The following POLG variants were observed in gnomAD, a reference collection of about 807,000 sequenced individuals.
POLG encodes the protein DNA polymerase gamma, catalytic subunit.
POLG carries 110 observed loss-of-function variants against 155.4 expected under a neutral mutation model. The observed-to-expected ratio is 0.71, with a 90% CI of 0.61 to 0.83. The LOEUF (loss-of-function observed/expected upper bound fraction) is 0.83, where lower values mean the gene tolerates loss of function less well. POLG is among the 40% of genes least tolerant of loss of function. POLG has a pLI of 0.00. For missense variants in POLG, 1,685 were observed against 1,627.5 expected, an observed-to-expected ratio of 1.04 and a Z score of -0.61; for synonymous variants, 701 against 631.5, an observed-to-expected ratio of 1.11 and a Z score of -1.65.
At chr15:89,321,408 G>T (rs1047745646) in intron 16 of POLG, 148 bp from the exon 17 acceptor site, 2 of 939,014 alleles carry the variant, frequency 2.1e-6, no homozygotes, top group East Asian at 5.2e-5. Flanking sequence ...TTCCAGAGAT[G>T]GCCACCTATC....
intron 2 of POLG, among the ~76,000 whole-genome samples, chr15:89,331,230 T>C (rs572960067): frequency 6.6e-6 from 1 of 152,262 alleles, no homozygotes; most frequent in South Asian, 2.1e-4. Flanking sequence ...GTTCCTAGTT[T>C]TAAACCTGAC....
chr15:89,317,797 T>A, intron 21 of POLG: 3 of 507,898 alleles, frequency 5.9e-6, no homozygotes, highest in Admixed American at 3.3e-5. Context: ...CTTTATTAAT[T>A]AATATACGAA....
intron 21 of POLG, 80 bp from the exon 22 acceptor site, chr15:89,317,616 C>A: frequency 7.2e-7 from 1 of 1,385,722 alleles, no homozygotes; most frequent in Non-Finnish European, 1.0e-6. Flanking sequence ...TGACCCCACA[C>A]CCCTTAGAGC....
rs1567189471 is a variant in POLG at position 89,325,131 on chromosome 15, AGAGTGAGTGAGAGAGTGAGT to A, written c.1949+299_1949+318del. On this transcript the variant is annotated intron_variant, in intron 10 of 22. Coordinates refer to ENST00000268124, the MANE Select transcript of POLG (RefSeq NM_002693.3). ...GAGAGAGAGTGAGTGAGTGAGTGAG[AGAGTGAGTGAGAGAGTGAGT>A]GAGTGAGTGAGTGAGTGAGAGAGTG... 3.5e-3 allele frequency among the ~76,000 whole-genome samples: 157 copies of A among 44,664 alleles called. 32 individuals carry two copies. The highest frequency in any genetic ancestry group is 0.026 in the African/African-American group (148 of 5,592). The allele number at this position is 44,664 out of a possible 152,430, so 29.3% of individuals were successfully genotyped here. A position where few individuals can be genotyped will look rare whatever the true frequency, so the allele number is the denominator to read the frequency against.
rs3176159 is a variant in POLG, at chr15:89,334,071, C to T, written c.-159-158G>A. 5.0e-3 allele frequency: 2,179 copies of T among 435,644 alleles called. 30 individuals are homozygous for T. Among genetic ancestry groups the T allele is most frequent in the African/African-American group, 0.041 (1,953 of 48,092 alleles). The allele number at this position is 435,644 out of a possible 1,614,324, so 27.0% of individuals were successfully genotyped here. A position where few individuals can be genotyped will look rare whatever the true frequency, so the allele number is the denominator to read the frequency against. On this transcript the variant is annotated intron_variant, in intron 1 of 22. Transcript: ENST00000268124. ...CTCAAAACTTGGGAAACGTCAATAC[C>T]CCTCCTGGGGGAACCGGGGTCCACG... is the stretch of plus-strand genomic sequence containing the variant.
chr15:89,325,872 G>T (rs374505530), intron 9 of POLG, among the ~76,000 whole-genome samples, 186 bp from the exon 10 acceptor site: 5 of 152,182 alleles, frequency 3.3e-5, no homozygotes, highest in Non-Finnish European at 2.9e-5. Context: ...TCCTCTAGAA[G>T]AATATTTCAA....
At position 89,321,868 on chromosome 15, in the gene POLG, G is replaced by C; in HGVS notation, c.2481-15C>G. On this transcript the variant is annotated splice_polypyrimidine_tract_variant and intron_variant, in intron 15 of 22. Coordinates refer to ENST00000268124, the MANE Select transcript of POLG (RefSeq NM_002693.3). ...AGTCGGGGTGCCTGGTGGGGTGCAG[G>C]GGAAGGAAATGGGTCTTAGCAGGGT... 1 of 1,611,142 alleles carries C rather than the reference G, an allele frequency of 6.2e-7. No individual in the cohort carries two copies.
chr15:89,334,108 G>C (rs952842698), intron 1 of POLG, 195 bp from the exon 2 acceptor site: 3 of 373,004 alleles, frequency 8.0e-6, no homozygotes, highest in African/African-American at 6.5e-5. Flanking sequence ...AACTTCGTCA[G>C]TGAACCCACG....
chr15:89,321,672 A>G lies in POLG; in HGVS notation c.2598+64T>C. 2.5e-6 allele frequency: 3 copies of G among 1,209,364 alleles called. No homozygotes were observed. In the South Asian group the frequency reaches 3.6e-5, roughly 15 times the overall value. The allele number at this position is 1,209,364 out of a possible 1,614,324, so 74.9% of individuals were successfully genotyped here. A position where few individuals can be genotyped will look rare whatever the true frequency, so the allele number is the denominator to read the frequency against. On this transcript the variant is annotated intron_variant, in intron 16 of 22. Transcript: ENST00000268124. Reference sequence around the variant, plus strand: ...CCTCACTAAATACCTAAAGGCCCTCAGAGCCCAGTTTCTACAGACCTGGGA... The same window carrying G: ...CCTCACTAAATACCTAAAGGCCCTCGGAGCCCAGTTTCTACAGACCTGGGA...
rs372383277 is a variant in POLG at position 89,333,578 on chromosome 15, C to A, written c.177G>T (p.Pro59=). 33 of 1,609,498 alleles carry A rather than the reference C, an allele frequency of 2.1e-5. No individual in the cohort carries two copies. In the Admixed American group the frequency reaches 3.5e-4, roughly 17 times the overall value. ...GCCCGCCCTCCGAGGATAGCACTTG[C>A]GGCTGCTGAGGCTGCTGTTGCTGCT... ...QQQQQQQPQQ[P]QVLSSEGGQL... The change falls in exon 2 of 23, where the codon CCG becomes CCT. Residue 59 remains proline (P), a synonymous_variant. Transcript: ENST00000268124.
chr15:89,327,408 T>A, intron 6 of POLG, 59 bp from the exon 7 acceptor site: 1 of 1,526,284 alleles, frequency 6.6e-7, no homozygotes, highest in Non-Finnish European at 9.0e-7. Flanking sequence ...ACTGGCCCAA[T>A]CCCTGAGCTG....
At position 89,333,316 on chromosome 15, in the gene POLG, T is replaced by G; in HGVS notation, c.439A>C (p.Ser147Arg). ...TTGGCCGCCTCCAGGTAGGGCAGGCTCTGCTTCTGGGCCAGGAGGCGGAAG... is the reference window on the plus strand; with the variant it reads ...TTGGCCGCCTCCAGGTAGGGCAGGCGCTGCTTCTGGGCCAGGAGGCGGAAG... ...QHFRLLAQKQSLPYLEAANLL... is the reference protein window; with the variant it reads ...QHFRLLAQKQRLPYLEAANLL... Residue 147 changes from serine to arginine, a missense_variant, in exon 2 of 23, where the codon AGC (serine) becomes CGC (arginine). Physicochemically the swap from Ser to Arg is moderately radical, Grantham distance 110 (BLOSUM62 -1). Transcript: ENST00000268124. The G allele has an allele frequency of 6.4e-7, 1 of 1,557,742 alleles. No homozygotes were observed. Among genetic ancestry groups the G allele is most frequent in the Non-Finnish European group, 8.7e-7 (1 of 1,151,496 alleles).
At chr15:89,323,611 T>C (rs1045255970) in intron 12 of POLG, 100 bp from the exon 13 acceptor site, 1 of 862,128 alleles carries the variant, frequency 1.2e-6, no homozygotes, top group Admixed American at 1.9e-5. Context: ...ACTGTCGTCA[T>C]CAGCTGGGAA....
rs759407016 is a variant in POLG, at chr15:89,320,759, C to T, written c.2981+7G>A. On this transcript the variant is annotated splice_region_variant and intron_variant, in intron 18 of 22. Transcript: ENST00000268124. ...GGTGTTAAAGTGGATGGGAGAGGGA[C>T]CCTCACCAGCGGAGGCCCTTGGTGG... is the stretch of plus-strand genomic sequence containing the variant. 2 of 1,612,290 alleles carry T rather than the reference C, an allele frequency of 1.2e-6. No individual in the cohort carries two copies.
Position 89,317,528 on chromosome 15 carries a change from A to C in POLG, c.3491T>G (p.Phe1164Cys). The C allele has an allele frequency of 6.2e-7, 1 of 1,614,046 alleles. No individual in the cohort carries two copies. Among genetic ancestry groups the C allele is most frequent in the Non-Finnish European group, 8.5e-7 (1 of 1,179,886 alleles). The part of the protein sequence containing the change: ...QITNLLTRCM[F>C]AYKLGLNDLP... ...GTCATTCAGACCCAGCTTGTAGGCA[A>C]ACATGCACCTGAAAGAGACCCAATC... Residue 1164 changes from phenylalanine to cysteine, a missense_variant, in exon 22 of 23, where the codon TTT becomes TGT. Transcript: ENST00000268124.
At chr15:89,319,918 A>G (rs538273829) in intron 18 of POLG, among the ~76,000 whole-genome samples, 8 of 152,270 alleles carry the variant, frequency 5.3e-5, no homozygotes, top group African/African-American at 1.4e-4. Flanking sequence ...CGTCACTCGC[A>G]TAAATGGCTT....
chr15:89,317,999 C>A, intron 21 of POLG: 1 of 302,710 alleles, frequency 3.3e-6, no homozygotes, highest in East Asian at 1.0e-4. Flanking sequence ...CAACATGGAA[C>A]GGTAATATTT....
chr15:89,325,163 TGAGTGA>T lies in POLG; in HGVS notation c.1949+281_1949+286del, dbSNP rs755323473. ...GTGAGAGAGTGAGTGAGTGAGTGAG[TGAGTGA>T]GAGAGTGAGAGAGTGAGTGAGTGAG... On this transcript the variant is annotated intron_variant, in intron 10 of 22. Coordinates refer to ENST00000268124, the MANE Select transcript of POLG (RefSeq NM_002693.3). 7.2e-3 allele frequency among the ~76,000 whole-genome samples: 345 copies of T among 48,180 alleles called. 47 individuals carry two copies. The highest frequency in any genetic ancestry group is 0.029 in the Middle Eastern group (2 of 70). 31.6% of individuals were successfully genotyped at this position (48,180 alleles called of 152,430 possible).
rs201468533 is a variant in POLG, at chr15:89,321,288, A to C, written c.2599-28T>G. The C allele has an allele frequency of 2.5e-6, 4 of 1,612,678 alleles. No homozygotes were observed. In the African/African-American group the frequency reaches 5.3e-5, roughly 21 times the overall value. The stretch of plus-strand genomic sequence containing the variant: ...GTGGGAAGAGTGAGATACCCAAATG[A>C]GACTCTTCCTACCCCATTCCTGGAG... On this transcript the variant is annotated intron_variant, in intron 16 of 22. Transcript: ENST00000268124.
Sources: allele counts gnomAD v4.1 joint callset (sites outside exome capture counted in the v4.1 genomes callset), GRCh38; gene constraint gnomAD v4.1.1; transcripts MANE v1.5; gene names NCBI Gene and HGNC (gene_info 2026-07-23, HGNC 2026-07-21).